LRP6: variants seen among roughly 807,000 people sequenced by gnomAD.
LRP6 encodes LDL receptor related protein 6.
Under a neutral mutation model 184.1 loss-of-function variants are expected in LRP6, and 43 were observed. The observed-to-expected ratio is 0.23, with a 90% confidence interval of 0.18 to 0.30. The LOEUF is 0.30. Ranked by LOEUF, LRP6 falls within the 10% of genes least tolerant of loss-of-function variation. The pLI is 1.00. For synonymous variants in LRP6, 719 were observed against 684.9 expected (o/e 1.05, Z -0.78); for missense variants, 1,571 against 2,005.3 (o/e 0.78, Z 4.14).
chr12:12,167,970 C>T (rs1401926093), intron 7 of LRP6, among the ~76,000 whole-genome samples: 1 of 152,184 alleles, frequency 6.6e-6, no homozygotes, highest in Admixed American at 6.5e-5. Context: ...GGAAACTACA[C>T]AGCTACAGCC....
chr12:12,130,904 A>G lies in LRP6; in HGVS notation c.3971-11T>C. 1 of 1,445,046 alleles carries G rather than the reference A, an allele frequency of 6.9e-7. No homozygotes were observed. The highest frequency in any genetic ancestry group is 9.7e-7 in the Non-Finnish European group (1 of 1,025,664). 89.5% of individuals were successfully genotyped at this position (1,445,046 alleles called of 1,614,324 possible). Reference sequence around the variant, plus strand: ...CAATTAAACAAAGCACTGGAAAAAAAACATAAATAGTTTCCTTATTTTTAA... The same window carrying G: ...CAATTAAACAAAGCACTGGAAAAAAGACATAAATAGTTTCCTTATTTTTAA... On this transcript the variant is annotated splice_polypyrimidine_tract_variant and intron_variant, in intron 18 of 22. Transcript: ENST00000261349.
intron 18 of LRP6, among the ~76,000 whole-genome samples, chr12:12,131,418 A>G (rs1217270199): frequency 6.6e-6 from 1 of 152,158 alleles, no homozygotes; most frequent in Non-Finnish European, 1.5e-5. Context: ...TATTCTTTAC[A>G]TTAAATTCCC....
chr12:12,178,001 C>A (rs1040936937), intron 7 of LRP6, among the ~76,000 whole-genome samples: 1 of 152,006 alleles, frequency 6.6e-6, no homozygotes, highest in African/African-American at 2.4e-5. Flanking sequence ...GCCAATGACA[C>A]CACTGTATGT....
intron 7 of LRP6, among the ~76,000 whole-genome samples, chr12:12,173,410 T>G (rs1863096182): frequency 6.6e-6 from 1 of 152,198 alleles, no homozygotes; most frequent in Non-Finnish European, 1.5e-5. Flanking sequence ...TGGCATGATC[T>G]CAGCTCGCTG....
In LRP6 at chr12:12,244,792, T is replaced by G. The variant is rs1329506643; in HGVS notation, c.56-137A>C. On this transcript the variant is annotated intron_variant, in intron 1 of 22. Transcript: ENST00000261349. ...GAATAAATAAATCATTAGGAGACCATCTAAACTTCACACACAAAATATTAT... is the reference window on the plus strand; with the variant it reads ...GAATAAATAAATCATTAGGAGACCAGCTAAACTTCACACACAAAATATTAT... 2.5e-5 allele frequency: 19 copies of G among 762,594 alleles called. 1 individual carries two copies. In the South Asian group the frequency reaches 3.3e-4, roughly 13 times the overall value. The allele number at this position is 762,594 out of a possible 1,614,324, so 47.2% of individuals were successfully genotyped here.
At chr12:12,129,010 C>T (rs1286842995) in intron 19 of LRP6, among the ~76,000 whole-genome samples, 3 of 152,082 alleles carry the variant, frequency 2.0e-5, no homozygotes, top group African/African-American at 7.2e-5. Flanking sequence ...GCAAGTCATT[C>T]GTAAATGGTG....
At chr12:12,205,340 A>C (rs1477042845) in intron 2 of LRP6, among the ~76,000 whole-genome samples, 10 of 141,462 alleles carry the variant, frequency 7.1e-5, no homozygotes, top group Non-Finnish European at 1.4e-4. Context: ...AAAAAAAAAA[A>C]AAAAAAAAAA....
At chr12:12,121,535 A>C (rs1343258942) in intron 22 of LRP6, 115 bp from the exon 23 acceptor site, 3 of 973,928 alleles carry the variant, frequency 3.1e-6, no homozygotes, top group East Asian at 2.5e-5. Context: ...AAGCTACTGC[A>C]ATTTAAATTT....
At chr12:12,146,461 T>C (rs1382458165) in intron 15 of LRP6, among the ~76,000 whole-genome samples, 2 of 152,202 alleles carry the variant, frequency 1.3e-5, no homozygotes, top group Non-Finnish European at 1.5e-5. Context: ...ACACAGACTA[T>C]ATGGACATCA....
chr12:12,215,457 C>G (rs1864317225), intron 2 of LRP6, among the ~76,000 whole-genome samples: 1 of 151,852 alleles, frequency 6.6e-6, no homozygotes, highest in Non-Finnish European at 1.5e-5. Context: ...CGGAGTTTCA[C>G]TCTTGTTGCC....
rs937055408 is a variant in LRP6 at position 12,166,012 on chromosome 12, AC to A, written c.1546-718del. ...TTCATACTGTATTCACAGTGCATTCACCATGCACTATTCAGTGTTGACTTAC... is the reference window on the plus strand; with the variant it reads ...TTCATACTGTATTCACAGTGCATTCACATGCACTATTCAGTGTTGACTTAC... On this transcript the variant is annotated intron_variant, in intron 7 of 22. Transcript: ENST00000261349. Among the ~76,000 whole-genome samples the A allele has an allele frequency of 4.6e-5, 7 of 152,198 alleles. 1 individual carries two copies. Among genetic ancestry groups the A allele is most frequent in the Admixed American group, 4.6e-4 (7 of 15,278 alleles).
At chr12:12,264,842 C>T (rs945836751) in intron 1 of LRP6, among the ~76,000 whole-genome samples, 7 of 152,186 alleles carry the variant, frequency 4.6e-5, no homozygotes, top group Non-Finnish European at 7.3e-5. Flanking sequence ...ACATTTAAAA[C>T]GAGAGCTCCA....
chr12:12,138,185 C>G, intron 16 of LRP6, 140 bp downstream of exon 16: 1 of 734,544 alleles, frequency 1.4e-6, no homozygotes, highest in Non-Finnish European at 2.3e-6. Flanking sequence ...AAAAAAAAAG[C>G]ATGGAGAGTT....
intron 2 of LRP6, among the ~76,000 whole-genome samples, chr12:12,222,584 A>G (rs1203579926): frequency 6.6e-6 from 1 of 151,250 alleles, no homozygotes; most frequent in Non-Finnish European, 1.5e-5. Context: ...AAAAAGAAAG[A>G]AAGAAAGAAA....
intron 3 of LRP6, among the ~76,000 whole-genome samples, chr12:12,190,808 T>C (rs868360791): frequency 1.3e-5 from 2 of 152,282 alleles, no homozygotes; most frequent in South Asian, 4.1e-4. Context: ...TTCACCACAG[T>C]GAAGCTGTAA....
At chr12:12,266,556 AC>A in intron 1 of LRP6, 124 bp downstream of exon 1, 1 of 655,230 alleles carries the variant, frequency 1.5e-6, no homozygotes, top group Non-Finnish European at 2.6e-6. Flanking sequence ...CCTCCCCACG[AC>A]CAGGCCTCTC....
chr12:12,218,216 T>C (rs1199992853), intron 2 of LRP6, among the ~76,000 whole-genome samples: 1 of 152,160 alleles, frequency 6.6e-6, no homozygotes, highest in African/African-American at 2.4e-5. Context: ...TTCATACCTA[T>C]AGTCCCAGCG....
chr12:12,224,031 T>C (rs1864553370), intron 2 of LRP6, among the ~76,000 whole-genome samples: 1 of 152,210 alleles, frequency 6.6e-6, no homozygotes, highest in African/African-American at 2.4e-5. Context: ...TTGCCTTTAG[T>C]ATTACAGGCA....
chr12:12,265,724 A>G lies in LRP6; in HGVS notation c.55+957T>C, dbSNP rs1163534273. On this transcript the variant is annotated intron_variant, in intron 1 of 22. Transcript: ENST00000261349. ...TCACAGCCATCTCAAGTTCAACACT[A>G]AATAGTTTGAGAAGAGCTGCCGACG... Among the ~76,000 whole-genome samples, 3 of 152,212 alleles carry G rather than the reference A, an allele frequency of 2.0e-5. No homozygotes were observed. The East Asian group carries it at 5.8e-4, about 29-fold the overall frequency.
Sources: gnomAD v4.1 joint callset for allele counts (sites outside exome capture counted in the v4.1 genomes callset) on GRCh38, gnomAD v4.1.1 for gene constraint, MANE v1.5 for transcripts, NCBI Gene and HGNC (gene_info 2026-07-23, HGNC 2026-07-21) for gene names.